Variants in PRPF6 observed in about 807,000 individuals in gnomAD.
PRPF6 encodes the protein pre-mRNA processing factor 6.
A neutral mutation model predicts 118.3 loss-of-function variants in PRPF6; 42 were observed. The ratio of observed to expected loss-of-function variants is 0.35; its 90% CI spans 0.28 to 0.46. The LOEUF is 0.46. Ranked by LOEUF, PRPF6 falls within the 20% of genes least tolerant of loss-of-function variation. The probability of loss-of-function intolerance (pLI) is 1.00; values close to 1 mark genes in which losing one functional copy is unlikely to be tolerated. For synonymous variants in PRPF6, 481 were observed against 485.1 expected (o/e 0.99, Z 0.11); for missense variants, 662 against 1,255.7 (o/e 0.53, Z 7.15).
Position 63,981,154 on chromosome 20 carries a change from G to A in PRPF6, c.-92G>A. 3.0e-6 allele frequency: 4 copies of A among 1,341,738 alleles called. No individual in the cohort carries two copies. The South Asian group carries it at 5.0e-5, about 17-fold the overall frequency. The allele number at this position is 1,341,738 out of a possible 1,614,324, so 83.1% of individuals were successfully genotyped here. A position where few individuals can be genotyped will look rare whatever the true frequency, so the allele number is the denominator to read the frequency against. On this transcript the variant is annotated 5_prime_UTR_variant, in exon 1 of 21. In the 5' UTR this introduces an upstream ATG that the reference lacks. Coordinates refer to ENST00000266079, the MANE Select transcript of PRPF6 (RefSeq NM_012469.4). Reference sequence around the variant, plus strand: ...GACGACGGCGACACTTTGCTACGGAGTGCATCGGACGTCGAAGCCTAGAGT... The same window carrying A: ...GACGACGGCGACACTTTGCTACGGAATGCATCGGACGTCGAAGCCTAGAGT...
intron 3 of PRPF6, among the ~76,000 whole-genome samples, chr20:63,992,481 TC>T (rs1202096653): frequency 6.6e-6 from 1 of 152,106 alleles, no homozygotes; most frequent in Non-Finnish European, 1.5e-5. Context: ...AGGCTTGAAC[TC>T]CTGACCTCAG....
At chr20:63,981,372 T>G in intron 1 of PRPF6, 56 bp downstream of exon 1, 1 of 1,503,202 alleles carries the variant, frequency 6.7e-7, no homozygotes, top group Non-Finnish European at 9.0e-7. Flanking sequence ...AGCGCAGTGC[T>G]TTGGGGCGTG....
chr20:64,027,488 G>A lies in PRPF6; in HGVS notation c.2206-115G>A. The A allele has an allele frequency of 1.4e-6, 2 of 1,470,090 alleles. No individual in the cohort carries two copies. The highest frequency in any genetic ancestry group is 1.9e-6 in the Non-Finnish European group (2 of 1,051,662). The allele number at this position is 1,470,090 out of a possible 1,614,324, so 91.1% of individuals were successfully genotyped here. On this transcript the variant is annotated intron_variant, in intron 16 of 20. Coordinates refer to ENST00000266079, the MANE Select transcript of PRPF6 (RefSeq NM_012469.4). This position sits in a 1 kb window ranked among gnomAD's most constrained non-coding sequence, Gnocchi z 6.5. ...CAGAGTGTGAGGGGTGTTTTTCCAT[G>A]GACATGGCAGCCCTGAGGGACTCGG...
rs1372087934 is a variant in PRPF6, at chr20:64,029,541, CT to C, written c.2546+55del. 5 of 1,468,076 alleles carry C rather than the reference CT, an allele frequency of 3.4e-6. No homozygotes were observed. Among genetic ancestry groups the C allele is most frequent in the Middle Eastern group, 1.8e-4 (1 of 5,414 alleles). 90.9% of individuals were successfully genotyped at this position (1,468,076 alleles called of 1,614,324 possible). A position where few individuals can be genotyped will look rare whatever the true frequency, so the allele number is the denominator to read the frequency against. ...CTGAACCTCGGGGTCCTAATGGGCT[CT>C]TTTTCCAGAGTCTGTCTGCCTCTTC... On this transcript the variant is annotated intron_variant, in intron 19 of 20. Coordinates refer to ENST00000266079, the MANE Select transcript of PRPF6 (RefSeq NM_012469.4). This position sits in a 1 kb window ranked among gnomAD's most constrained non-coding sequence, Gnocchi z 4.8.
At chr20:64,032,380 T>C (rs979388025) in intron 20 of PRPF6, among the ~76,000 whole-genome samples, 7 of 152,220 alleles carry the variant, frequency 4.6e-5, no homozygotes, top group African/African-American at 1.7e-4. Context: ...TTGGCCTTTT[T>C]CTTGGGCCTG....
chr20:64,029,624 G>C lies in PRPF6; in HGVS notation c.2546+133G>C. The C allele has an allele frequency of 1.3e-6, 1 of 793,558 alleles. No individual in the cohort carries two copies. Among genetic ancestry groups the C allele is most frequent in the Non-Finnish European group, 2.1e-6 (1 of 477,986 alleles). 49.2% of individuals were successfully genotyped at this position (793,558 alleles called of 1,614,324 possible). A position where few individuals can be genotyped will look rare whatever the true frequency, so the allele number is the denominator to read the frequency against. On this transcript the variant is annotated intron_variant, in intron 19 of 20. Transcript: ENST00000266079. This position sits in a 1 kb window ranked among gnomAD's most constrained non-coding sequence, Gnocchi z 4.8. ...TGGGCTTCCCCGATCCTCGGCTGCC[G>C]TCGCTCCTGCTGTGGTCTGGGGCAG...
At position 64,033,016 on chromosome 20, in the gene PRPF6, C is replaced by T; in HGVS notation, c.*23C>T. 1 of 1,612,812 alleles carries T rather than the reference C, an allele frequency of 6.2e-7. No homozygotes were observed. The highest frequency in any genetic ancestry group is 1.1e-5 in the South Asian group (1 of 91,068). ...TGATTGAGCGGTTGCCATGGCCGGT[C>T]TCCGTGGGGCAGGGTTGGGCCGCAT... On this transcript the variant is annotated 3_prime_UTR_variant, in exon 21 of 21. Coordinates refer to ENST00000266079, the MANE Select transcript of PRPF6 (RefSeq NM_012469.4).
chr20:64,011,485 C>T lies in PRPF6; in HGVS notation c.1506C>T (p.Asn502=), dbSNP rs1441351751. The part of the protein sequence containing the change: ...TSLRANGVEI[N]REQWIQDAEE... ...TGCGGGCCAACGGTGTGGAGATCAA[C>T]CGTGAGCAGTGGATCCAGGTGGGCC... The change falls in exon 11 of 21, where the codon AAC becomes AAT. Residue 502 remains asparagine, a synonymous_variant. Transcript: ENST00000266079. The surrounding 1 kb of genome is among the most constrained non-coding windows in gnomAD (Gnocchi z 6.7). 1 of 1,613,392 alleles carries T rather than the reference C, an allele frequency of 6.2e-7. No individual in the cohort carries two copies. The highest frequency in any genetic ancestry group is 2.2e-5 in the East Asian group (1 of 44,882).
chr20:64,014,907 A>G (rs1422058324), intron 11 of PRPF6, among the ~76,000 whole-genome samples: 2 of 152,192 alleles, frequency 1.3e-5, no homozygotes, highest in Admixed American at 6.5e-5. Context: ...TGGCTTTTGC[A>G]TCGTCCGACA....
intron 3 of PRPF6, among the ~76,000 whole-genome samples, chr20:63,992,259 A>G (rs1489195209): frequency 2.0e-5 from 3 of 150,784 alleles, no homozygotes; most frequent in Non-Finnish European, 4.4e-5. Flanking sequence ...GCTAATTTTT[A>G]TTTTTATTTT....
chr20:64,015,330 G>T (rs2059232204), intron 11 of PRPF6, among the ~76,000 whole-genome samples: 1 of 152,218 alleles, frequency 6.6e-6, no homozygotes, highest in African/African-American at 2.4e-5. Flanking sequence ...TGGGTGCTGG[G>T]TCCTTGCCCC....
In PRPF6 at chr20:64,028,624, G is replaced by A; in HGVS notation, c.2431+55G>A. 2 of 1,592,062 alleles carry A rather than the reference G, an allele frequency of 1.3e-6. No individual in the cohort carries two copies. The highest frequency in any genetic ancestry group is 1.7e-6 in the Non-Finnish European group (2 of 1,168,618). ...GGTGCCCTGACTCCGGTAAGGGGGT[G>A]CCTTGACTCCGGTAAGGGGGTGCTT... On this transcript the variant is annotated intron_variant, in intron 18 of 20. Transcript: ENST00000266079. The surrounding 1 kb of genome is among the most constrained non-coding windows in gnomAD (Gnocchi z 6.5).
rs1477402483 is a variant in PRPF6, at chr20:64,026,730, G to A, written c.2029-252G>A. On this transcript the variant is annotated intron_variant, in intron 15 of 20. Coordinates refer to ENST00000266079, the MANE Select transcript of PRPF6 (RefSeq NM_012469.4). This position sits in a 1 kb window ranked among gnomAD's most constrained non-coding sequence, Gnocchi z 4.4. ...CAGGAGAATGGTGTGAACCCAGCAG[G>A]TGGAGCTTGCAGTGAGCCGAGATCG... Among the ~76,000 whole-genome samples, 3 of 152,034 alleles carry A rather than the reference G, an allele frequency of 2.0e-5. No homozygotes were observed. The highest frequency in any genetic ancestry group is 2.9e-5 in the Non-Finnish European group (2 of 68,020).
At chr20:64,018,447 A>C (rs963128783) in intron 12 of PRPF6, among the ~76,000 whole-genome samples, 3 of 151,752 alleles carry the variant, frequency 2.0e-5, no homozygotes, top group African/African-American at 4.8e-5. Context: ...AGAGGTGTGC[A>C]CCTGTTCAAC....
intron 9 of PRPF6, among the ~76,000 whole-genome samples, chr20:64,004,979 C>T (rs2059183199): frequency 1.3e-5 from 2 of 152,156 alleles, no homozygotes; most frequent in Non-Finnish European, 2.9e-5. Flanking sequence ...GAGGGTCTTC[C>T]CTGCAGTCAC....
chr20:64,015,576 C>T (rs1454693753), intron 11 of PRPF6, among the ~76,000 whole-genome samples: 1 of 152,196 alleles, frequency 6.6e-6, no homozygotes, highest in Non-Finnish European at 1.5e-5. Flanking sequence ...TTATTGTTCT[C>T]TTGTTGGTAG....
intron 11 of PRPF6, among the ~76,000 whole-genome samples, chr20:64,012,946 TC>T (rs2059221049): frequency 6.8e-6 from 1 of 146,260 alleles, no homozygotes; most frequent in Non-Finnish European, 1.5e-5. Context: ...TCTTCCCCTC[TC>T]CCCCACACCC....
intron 8 of PRPF6, 105 bp from the exon 9 acceptor site, chr20:64,000,972 G>A (rs534750335): frequency 1.5e-6 from 2 of 1,333,210 alleles, no homozygotes; most frequent in African/African-American, 1.4e-5. Flanking sequence ...ATTGGCTTTC[G>A]TAAATTCTGG....
rs1204490217 is a variant in PRPF6, at chr20:64,026,953, C to T, written c.2029-29C>T. The T allele has an allele frequency of 1.2e-6, 2 of 1,613,418 alleles. No individual in the cohort carries two copies. The highest frequency in any genetic ancestry group is 1.7e-6 in the Non-Finnish European group (2 of 1,179,854). On this transcript the variant is annotated intron_variant, in intron 15 of 20. Coordinates refer to ENST00000266079, the MANE Select transcript of PRPF6 (RefSeq NM_012469.4). This position sits in a 1 kb window ranked among gnomAD's most constrained non-coding sequence, Gnocchi z 4.4. The stretch of plus-strand genomic sequence containing the variant: ...AAGCACGTACCCTGGAGCTGATGCC[C>T]TGCGTGACAGTGCATGTCTGCCCCA...
Sources: gnomAD v4.1 joint callset for allele counts (sites outside exome capture counted in the v4.1 genomes callset) on GRCh38, gnomAD v4.1.1 for gene constraint, Gnocchi (gnomAD v3.1) non-coding constraint, MANE v1.5 for transcripts, NCBI Gene and HGNC (gene_info 2026-07-23, HGNC 2026-07-21) for gene names.